Variants in VAV1 observed in about 807,000 individuals in gnomAD.
VAV1 encodes proto-oncogene vav.
VAV1 carries 33 observed loss-of-function variants against 128.1 expected under a neutral mutation model. That is an observed-to-expected ratio of 0.26 (90% CI 0.20 to 0.34). VAV1 has a LOEUF of 0.34. Among genes scored for constraint, VAV1 ranks in the 10% least tolerant of loss-of-function variants. The pLI is 1.00. For synonymous variants in VAV1, 394 were observed against 409.8 expected (o/e 0.96, Z 0.47); for missense variants, 715 against 1,093.7 (o/e 0.65, Z 4.88).
At chr19:6,835,191 A>G (rs1972189919) in intron 19 of VAV1, among the ~76,000 whole-genome samples, 1 of 131,640 alleles carries the variant, frequency 7.6e-6, no homozygotes, top group African/African-American at 2.9e-5. Context: ...AATAGAATAT[A>G]TATATGTGTA....
At chr19:6,814,720 C>CTTTCT (rs1377306948) in intron 1 of VAV1, among the ~76,000 whole-genome samples, 1 of 133,950 alleles carries the variant, frequency 7.5e-6, no homozygotes, top group Non-Finnish European at 1.6e-5. Context: ...TTCTTTCTTT[C>CTTTCT]TTTCTTTCTT....
In VAV1 at chr19:6,818,491, C is replaced by T. The variant is rs190111762; in HGVS notation, c.205-2211C>T. 2.6e-5 allele frequency among the ~76,000 whole-genome samples: 4 copies of T among 152,326 alleles called. No individual in the cohort carries two copies. The East Asian group carries it at 5.8e-4, about 22-fold the overall frequency. ...CTCCAACATGTTAGGCAAGATCCTG[C>T]CTCAGGACCATTGCATGCACTGTTC... On this transcript the variant is annotated intron_variant, in intron 1 of 26. Coordinates refer to ENST00000602142, the MANE Select transcript of VAV1 (RefSeq NM_005428.4).
At chr19:6,853,138 CTT>C (rs1972708944) in intron 25 of VAV1, 59 bp downstream of exon 25, 2 of 1,520,674 alleles carry the variant, frequency 1.3e-6, no homozygotes, top group Admixed American at 3.5e-5. Flanking sequence ...TGGAGGGAAA[CTT>C]TGGGGATGCC....
rs1442156352 is a variant in VAV1 at position 6,822,865 on chromosome 19, TATAAAC to T, written c.654+355_654+360del. 1.4e-5 allele frequency among the ~76,000 whole-genome samples: 2 copies of T among 146,904 alleles called. No individual in the cohort carries two copies. The highest frequency in any genetic ancestry group is 3.0e-5 in the Non-Finnish European group (2 of 66,782). On this transcript the variant is annotated intron_variant, in intron 6 of 26. Transcript: ENST00000602142. This position sits in a 1 kb window ranked among gnomAD's most constrained non-coding sequence, Gnocchi z 5.9. Reference sequence around the variant, plus strand: ...AATATATACAAAGTATATATAAAAATATAAACATATAATATGTATAAAATATAAACA... The same window carrying T: ...AATATATACAAAGTATATATAAAAATATATAATATGTATAAAATATAAACA...
chr19:6,833,421 C>G (rs894890362), intron 16 of VAV1, 107 bp from the exon 17 acceptor site: 1 of 1,390,462 alleles, frequency 7.2e-7, no homozygotes, highest in East Asian at 2.3e-5. Context: ...CTCCGTCACT[C>G]TCCTGATCTA....
At chr19:6,832,409 A>T (rs1346605601) in intron 15 of VAV1, among the ~76,000 whole-genome samples, 3 of 150,840 alleles carry the variant, frequency 2.0e-5, no homozygotes, top group African/African-American at 7.3e-5. Flanking sequence ...ACCAGCCCAG[A>T]CTCTTCTCCT....
rs761775383 is a variant in VAV1 at position 6,831,131 on chromosome 19, A to G, written c.1399-960A>G. ...ACAGGAGATGTGGCTGTGGTAGGTGAGGGTGGGAGGGGGAGCTATCTTACC... is the reference window on the plus strand; with the variant it reads ...ACAGGAGATGTGGCTGTGGTAGGTGGGGGTGGGAGGGGGAGCTATCTTACC... On this transcript the variant is annotated intron_variant, in intron 14 of 26. Transcript: ENST00000602142. Among the ~76,000 whole-genome samples, 371 of 152,048 alleles carry G rather than the reference A, an allele frequency of 2.4e-3. 3 individuals are homozygous for G. The highest frequency in any genetic ancestry group is 2.9e-3 in the South Asian group (14 of 4,806).
Position 6,832,315 on chromosome 19 carries a change from A to G in VAV1, c.1508+115A>G. 7.5e-6 allele frequency: 7 copies of G among 933,158 alleles called. No individual in the cohort carries two copies. The South Asian group carries it at 1.1e-4, about 15-fold the overall frequency. The allele number at this position is 933,158 out of a possible 1,614,324, so 57.8% of individuals were successfully genotyped here. ...ATGCCATGGGACCACTCTGAACCAC[A>G]GTCTCTTCATTTGGGAAATAAGAGG... is the stretch of plus-strand genomic sequence containing the variant. On this transcript the variant is annotated intron_variant, in intron 15 of 26. Coordinates refer to ENST00000602142, the MANE Select transcript of VAV1 (RefSeq NM_005428.4).
chr19:6,804,038 G>A (rs963513388), intron 1 of VAV1, among the ~76,000 whole-genome samples: 1 of 152,098 alleles, frequency 6.6e-6, no homozygotes, highest in African/African-American at 2.4e-5. Flanking sequence ...AACTGTAGAA[G>A]CAGTAAAAAG....
rs1016940505 is a variant in VAV1 at position 6,826,195 on chromosome 19, A to G, written c.828-417A>G. Among the ~76,000 whole-genome samples, 14 of 152,026 alleles carry G rather than the reference A, an allele frequency of 9.2e-5. No individual in the cohort carries two copies. The highest frequency in any genetic ancestry group is 2.7e-4 in the African/African-American group (11 of 41,456). On this transcript the variant is annotated intron_variant, in intron 8 of 26. Coordinates refer to ENST00000602142, the MANE Select transcript of VAV1 (RefSeq NM_005428.4). The surrounding 1 kb of genome is among the most constrained non-coding windows in gnomAD (Gnocchi z 4.1). ...TCTACTAAAAATACAAAAATTAGCC[A>G]GGCATGGTGGCAGGTGTCTGTAATC... is the stretch of plus-strand genomic sequence containing the variant.
At chr19:6,802,362 A>G (rs529585985) in intron 1 of VAV1, among the ~76,000 whole-genome samples, 123 of 152,114 alleles carry the variant, frequency 8.1e-4, no homozygotes, top group Admixed American at 2.1e-3. Context: ...TAAAAAAAAT[A>G]AAGGACCTCC....
intron 1 of VAV1, among the ~76,000 whole-genome samples, chr19:6,785,850 G>A (rs886446816): frequency 6.6e-6 from 1 of 151,572 alleles, no homozygotes; most frequent in Admixed American, 6.6e-5. Flanking sequence ...AGTAGAGATG[G>A]GGTTTCACCA....
Position 6,825,019 on chromosome 19 carries a change from T to C in VAV1, c.655-34T>C, listed in dbSNP as rs55745738. The C allele has an allele frequency of 0.011, 18,082 of 1,611,992 alleles. 1,118 individuals carry two copies. In the East Asian group the frequency reaches 0.14, roughly 13 times the overall value. On this transcript the variant is annotated intron_variant, in intron 6 of 26. Transcript: ENST00000602142. ...GAGACTGGTCTGGAGGAGGGAATCT[T>C]ATCTTCCGTCATCTTTCTCTCCCTT... is the stretch of plus-strand genomic sequence containing the variant.
chr19:6,775,038 T>A (rs1301704903), intron 1 of VAV1, among the ~76,000 whole-genome samples: 1 of 151,894 alleles, frequency 6.6e-6, no homozygotes, highest in East Asian at 1.9e-4. Context: ...AAGGCTGGGA[T>A]TACAGGCATG....
intron 24 of VAV1, 50 bp downstream of exon 24, chr19:6,850,807 C>T (rs1265690416): frequency 1.9e-6 from 3 of 1,578,546 alleles, no homozygotes; most frequent in Non-Finnish European, 2.6e-6. Context: ...CTAGGAGGAC[C>T]CTCCCTGCAC....
rs192599469 is a variant in VAV1, at chr19:6,772,787, G to A, written c.-21G>A. 31 of 1,608,274 alleles carry A rather than the reference G, an allele frequency of 1.9e-5. No homozygotes were observed. Among genetic ancestry groups the A allele is most frequent in the African/African-American group, 5.3e-5 (4 of 74,936 alleles). On this transcript the variant is annotated 5_prime_UTR_variant, in exon 1 of 27. Coordinates refer to ENST00000602142, the MANE Select transcript of VAV1 (RefSeq NM_005428.4). The surrounding 1 kb of genome is among the most constrained non-coding windows in gnomAD (Gnocchi z 4.8). ...GTGGAGGCTGCGAGGGTGCACGGCC[G>A]GCCCTGGGCAGGCGGTAGCCATGGA... is the stretch of plus-strand genomic sequence containing the variant.
At chr19:6,786,483 A>T (rs1380797625) in intron 1 of VAV1, among the ~76,000 whole-genome samples, 2 of 152,134 alleles carry the variant, frequency 1.3e-5, no homozygotes, top group African/African-American at 4.8e-5. Context: ...AATTTAAAAA[A>T]TTAAAAATGA....
chr19:6,825,513 T>C, intron 8 of VAV1, 107 bp downstream of exon 8: 1 of 947,320 alleles, frequency 1.1e-6, no homozygotes. Context: ...GAGGACTTTT[T>C]GCTGTGTGTT....
At chr19:6,814,671 C>CCTTCCTTTCTTT in intron 1 of VAV1, among the ~76,000 whole-genome samples, 82 of 25,782 alleles carry the variant, frequency 3.2e-3, no homozygotes, top group Non-Finnish European at 4.5e-3. Flanking sequence ...TTCCTTCCTT[C>CCTTCCTTTCTTT]CTTTCTTTCT....
Sources: allele counts gnomAD v4.1 joint callset (sites outside exome capture counted in the v4.1 genomes callset), GRCh38; gene constraint gnomAD v4.1.1; non-coding constraint Gnocchi (gnomAD v3.1); transcripts MANE v1.5; gene names NCBI Gene and HGNC (gene_info 2026-07-23, HGNC 2026-07-21).